Variants in DAB1 observed in about 807,000 individuals in gnomAD.
The protein encoded by DAB1 is disabled homolog 1.
Under a neutral mutation model 64.6 loss-of-function variants are expected in DAB1, and 15 were observed. The ratio of observed to expected loss-of-function variants is 0.23; its 90% CI spans 0.16 to 0.36. The LOEUF is 0.36. Ranked by LOEUF, DAB1 falls within the 10% of genes least tolerant of loss-of-function variation. The pLI, the probability that DAB1 is intolerant of heterozygous loss-of-function variation, is 1.00. For missense variants in DAB1, 596 were observed against 706.7 expected (o/e 0.84, Z 1.78); for synonymous variants, 235 against 251.9 (o/e 0.93, Z 0.64).
intron 7 of DAB1, among the ~76,000 whole-genome samples, chr1:57,537,478 G>A (rs1011452620): frequency 6.6e-6 from 1 of 152,082 alleles, no homozygotes; most frequent in Non-Finnish European, 1.5e-5. Flanking sequence ...TATCAAAATC[G>A]CCTGGATAGT....
At chr1:57,792,608 T>C (rs1213463593) in intron 6 of DAB1, among the ~76,000 whole-genome samples, 1 of 152,230 alleles carries the variant, frequency 6.6e-6, no homozygotes, top group African/African-American at 2.4e-5. Flanking sequence ...GGTGTCGCCT[T>C]TGTTTTAAGC....
At chr1:57,565,147 C>T (rs552809630) in intron 7 of DAB1, among the ~76,000 whole-genome samples, 2 of 152,298 alleles carry the variant, frequency 1.3e-5, no homozygotes, top group African/African-American at 4.8e-5. Context: ...TAATTTTCAA[C>T]CCAGAATTTC....
chr1:57,705,838 C>T (rs1459525941), intron 6 of DAB1, among the ~76,000 whole-genome samples: 3 of 149,750 alleles, frequency 2.0e-5, no homozygotes, highest in South Asian at 2.1e-4. Context: ...GTACTTAATA[C>T]GTATCTTTGG....
chr1:57,345,407 G>T (rs1427701356), intron 1 of DAB1, among the ~76,000 whole-genome samples: 4 of 152,116 alleles, frequency 2.6e-5, no homozygotes, highest in African/African-American at 4.8e-5. Flanking sequence ...ACATAAGGAT[G>T]GTCAATAAAG....
intron 2 of DAB1, among the ~76,000 whole-genome samples, chr1:58,513,090 C>T (rs1485652359): frequency 2.6e-5 from 4 of 152,174 alleles, no homozygotes; most frequent in African/African-American, 9.7e-5. Flanking sequence ...GTCATCCAAA[C>T]TGTAATCCCC....
chr1:57,523,396 A>C (rs1458732885), intron 7 of DAB1, among the ~76,000 whole-genome samples: 1 of 152,180 alleles, frequency 6.6e-6, no homozygotes, highest in African/African-American at 2.4e-5. Flanking sequence ...CTCCCATCCC[A>C]ACCCCACTTG....
intron 7 of DAB1, among the ~76,000 whole-genome samples, chr1:57,502,960 T>C (rs1434445496): frequency 6.6e-6 from 1 of 152,204 alleles, no homozygotes; most frequent in Non-Finnish European, 1.5e-5. Context: ...CATTAACTCT[T>C]CTCCTTTTAA....
At chr1:57,742,595 C>G (rs4912173) in intron 6 of DAB1, among the ~76,000 whole-genome samples, 1 of 151,906 alleles carries the variant, frequency 6.6e-6, no homozygotes, top group Non-Finnish European at 1.5e-5. Context: ...GGCCTACAGA[C>G]GGGAAATTTC....
At chr1:57,811,749 C>T (rs1044848518) in intron 6 of DAB1, among the ~76,000 whole-genome samples, 4 of 152,154 alleles carry the variant, frequency 2.6e-5, no homozygotes, top group African/African-American at 9.7e-5. Context: ...ACACAGTTGT[C>T]CAGCCCATAG....
intron 5 of DAB1, among the ~76,000 whole-genome samples, chr1:57,951,501 A>G (rs1316148963): frequency 1.3e-5 from 2 of 151,750 alleles, no homozygotes; most frequent in Non-Finnish European, 2.9e-5. Context: ...AAAAGTTTCA[A>G]TGTGTTGAAA....
chr1:57,357,190 G>A (rs868538274), intron 1 of DAB1, among the ~76,000 whole-genome samples: 4 of 152,048 alleles, frequency 2.6e-5, no homozygotes, highest in South Asian at 2.1e-4. Context: ...ATTTCCTCTC[G>A]TTTGATCACT....
chr1:57,194,879 C>A (rs1664493816), intron 2 of DAB1, among the ~76,000 whole-genome samples: 1 of 152,214 alleles, frequency 6.6e-6, no homozygotes, highest in South Asian at 2.1e-4. Context: ...GAGAATGCAA[C>A]CAACACAGCA....
chr1:57,063,609 A>G (rs1650620900), intron 8 of DAB1, among the ~76,000 whole-genome samples: 1 of 152,176 alleles, frequency 6.6e-6, no homozygotes, highest in African/African-American at 2.4e-5. Flanking sequence ...TGACAGGCTG[A>G]GCAGGTCACT....
chr1:58,274,824 C>T (rs866321373), intron 4 of DAB1, among the ~76,000 whole-genome samples: 5 of 151,888 alleles, frequency 3.3e-5, no homozygotes, highest in Admixed American at 6.5e-5. Context: ...CCTGACCCCT[C>T]GCGCTTCCCA....
chr1:57,128,328 C>T (rs1479147449), intron 4 of DAB1, among the ~76,000 whole-genome samples: 6 of 152,050 alleles, frequency 3.9e-5, no homozygotes, highest in African/African-American at 1.4e-4. Context: ...ACCTAGTCTT[C>T]ATCTCCCAAT....
At chr1:57,971,997 A>C (rs1645807801) in intron 5 of DAB1, among the ~76,000 whole-genome samples, 1 of 152,234 alleles carries the variant, frequency 6.6e-6, no homozygotes, top group Non-Finnish European at 1.5e-5. Flanking sequence ...ATAAATCCAT[A>C]TGCACACAAA....
intron 1 of DAB1, among the ~76,000 whole-genome samples, chr1:57,384,578 T>C (rs11207023): frequency 0.27 from 41,061 of 152,104 alleles, 6,156 homozygotes; most frequent in African/African-American, 0.4. Flanking sequence ...AAATATGATT[T>C]AGCCTTTTAA....
chr1:58,269,798 T>G (rs1476689299), intron 4 of DAB1, among the ~76,000 whole-genome samples: 2 of 71,052 alleles, frequency 2.8e-5, no homozygotes, highest in Non-Finnish European at 5.7e-5. Context: ...TTTTCATGTG[T>G]TTTTTGGCTG....
intron 3 of DAB1, among the ~76,000 whole-genome samples, chr1:58,413,169 G>C (rs1644686893): frequency 1.3e-5 from 2 of 152,146 alleles, no homozygotes; most frequent in African/African-American, 2.4e-5. Flanking sequence ...CTTAGCACTT[G>C]GCCTATTAGT....
Sources: allele counts gnomAD v4.1 joint callset (sites outside exome capture counted in the v4.1 genomes callset), GRCh38; gene constraint gnomAD v4.1.1; transcripts MANE v1.5; gene names NCBI Gene and HGNC (gene_info 2026-07-23, HGNC 2026-07-21).